Variants in FGD3 observed in about 807,000 individuals in gnomAD.
FGD3 encodes FYVE, RhoGEF and PH domain containing 3.
Under a neutral mutation model 71.8 loss-of-function variants are expected in FGD3, and 45 were observed. The ratio of observed to expected loss-of-function variants is 0.63; its 90% confidence interval spans 0.49 to 0.80. The LOEUF (loss-of-function observed/expected upper bound fraction) is 0.80. Among genes scored for constraint, FGD3 ranks in the 30% least tolerant of loss-of-function variants. The pLI, the probability that FGD3 is intolerant of heterozygous loss-of-function variation, is 0.00. For missense variants in FGD3, 844 were observed against 951.5 expected, an observed-to-expected ratio of 0.89 and a Z score of 1.49; for synonymous variants, 378 against 392.8, an observed-to-expected ratio of 0.96 and a Z score of 0.44.
intron 3 of FGD3, among the ~76,000 whole-genome samples, chr9:92,994,607 G>A (rs1860555241): frequency 6.6e-6 from 1 of 152,198 alleles, no homozygotes; most frequent in Non-Finnish European, 1.5e-5. Context: ...ATGGTTTTAG[G>A]TCTAACGTTT....
In FGD3 at chr9:92,968,254, A is replaced by C. The variant is rs1859403705; in HGVS notation, c.-217-6984A>C. ...GGTCATGAAGACTCATACAGTCTTA[A>C]ACAGTAGAAGTAACTTGTTAAGGTG... On this transcript the variant is annotated intron_variant, in intron 1 of 17. Transcript: ENST00000375482. 2.0e-5 allele frequency among the ~76,000 whole-genome samples: 3 copies of C among 152,188 alleles called. No homozygotes were observed. The South Asian group carries it at 6.2e-4, about 32-fold the overall frequency.
chr9:92,972,049 T>C (rs1189394287), intron 1 of FGD3, among the ~76,000 whole-genome samples: 1 of 105,262 alleles, frequency 9.5e-6, no homozygotes, highest in African/African-American at 3.5e-5. Context: ...TTGCACTTCC[T>C]AGAATTCTGT....
chr9:93,007,274 G>A (rs1183624663), intron 6 of FGD3, among the ~76,000 whole-genome samples: 2 of 151,148 alleles, frequency 1.3e-5, no homozygotes, highest in African/African-American at 4.9e-5. Context: ...ATATTTTTTA[G>A]TAGAGACGGG....
At chr9:93,004,930 C>T (rs969419015) in intron 5 of FGD3, among the ~76,000 whole-genome samples, 6 of 152,120 alleles carry the variant, frequency 3.9e-5, no homozygotes, top group Admixed American at 1.3e-4. Context: ...GTCCAGCTGC[C>T]GAACAGGTTT....
chr9:92,974,620 G>A (rs1444892740), intron 1 of FGD3: 1 of 152,310 alleles, frequency 6.6e-6, no homozygotes, highest in South Asian at 2.1e-4. Context: ...AGGCAACCAG[G>A]GCAGGCTCAA....
At chr9:92,981,228 C>CGT (rs1564149094) in intron 3 of FGD3, among the ~76,000 whole-genome samples, 1 of 151,366 alleles carries the variant, frequency 6.6e-6, no homozygotes, top group African/African-American at 2.4e-5. Flanking sequence ...ATTAGCCAGG[C>CGT]GTGGTGGTGG....
At chr9:93,012,312 A>G (rs1333415676) in intron 8 of FGD3, among the ~76,000 whole-genome samples, 1 of 152,200 alleles carries the variant, frequency 6.6e-6, no homozygotes, top group African/African-American at 2.4e-5. Context: ...CACCTCTCAG[A>G]GAACAGCTGT....
Position 93,032,816 on chromosome 9 carries a change from G to T in FGD3, c.1728G>T (p.Gln576His), listed in dbSNP as rs1043899854. Residue 576 changes from glutamine to histidine, a missense_variant, in exon 16 of 18, where the codon CAG becomes CAT. Coordinates refer to ENST00000375482, the MANE Select transcript of FGD3 (RefSeq NM_001083536.2). The stretch of plus-strand genomic sequence containing the variant: ...AGTTCAAGGCCGAGAACAGCCGGCA[G>T]AGCCGTGTCTGCAGAGATTGTTTCC... ...CSEFKAENSRQSRVCRDCFLT... is the reference protein window; with the variant it reads ...CSEFKAENSRHSRVCRDCFLT... 5.6e-6 allele frequency: 9 copies of T among 1,614,254 alleles called. No individual in the cohort carries two copies. The highest frequency in any genetic ancestry group is 7.6e-6 in the Non-Finnish European group (9 of 1,180,042).
At chr9:92,967,515 C>T (rs1361292340) in intron 1 of FGD3, among the ~76,000 whole-genome samples, 2 of 152,212 alleles carry the variant, frequency 1.3e-5, no homozygotes, top group Non-Finnish European at 2.9e-5. Flanking sequence ...TAGCTTATTT[C>T]ACTTAGCATA....
intron 1 of FGD3, among the ~76,000 whole-genome samples, chr9:92,948,669 A>C (rs1858899673): frequency 6.6e-6 from 1 of 152,240 alleles, no homozygotes; most frequent in Non-Finnish European, 1.5e-5. Flanking sequence ...GATGACAGCA[A>C]ACTCCAGCCC....
chr9:92,976,270 G>A lies in FGD3; in HGVS notation c.14G>A (p.Arg5Lys). 1.3e-6 allele frequency: 2 copies of A among 1,585,124 alleles called. No individual in the cohort carries two copies. Among genetic ancestry groups the A allele is most frequent in the South Asian group, 2.2e-5 (2 of 89,704 alleles). MESG[R>K]GSSTPPGPIA... ...TCAGCTTTAAGGATGGAGTCAGGCA[G>A]GGGGTCCTCAACCCCTCCAGGACCC... The change falls in exon 3 of 18, where the codon AGG becomes AAG. Residue 5 changes from arginine to lysine, a missense_variant. By Grantham distance (26) the Arg-to-Lys change is conservative. Coordinates refer to ENST00000375482, the MANE Select transcript of FGD3 (RefSeq NM_001083536.2).
chr9:92,973,772 C>G (rs1434773288), intron 1 of FGD3, among the ~76,000 whole-genome samples: 1 of 152,224 alleles, frequency 6.6e-6, no homozygotes, highest in Non-Finnish European at 1.5e-5. Flanking sequence ...GTGCTCTCCC[C>G]ACCGCACACA....
chr9:92,966,752 C>T (rs1451980458), intron 1 of FGD3, among the ~76,000 whole-genome samples: 1 of 152,230 alleles, frequency 6.6e-6, no homozygotes, highest in Non-Finnish European at 1.5e-5. Flanking sequence ...CACTAAGGAT[C>T]CCGCCTCCCC....
chr9:93,034,924 C>A (rs10992598), intron 17 of FGD3, among the ~76,000 whole-genome samples: 2 of 152,070 alleles, frequency 1.3e-5, no homozygotes, highest in South Asian at 4.1e-4. Flanking sequence ...CAAGGGGGCA[C>A]AAAGGGTGGC....
chr9:92,984,119 A>G (rs552747510), intron 3 of FGD3, among the ~76,000 whole-genome samples: 4 of 152,360 alleles, frequency 2.6e-5, no homozygotes, highest in Non-Finnish European at 5.9e-5. Flanking sequence ...CTAGCTCTGT[A>G]TGTCCCCAGG....
chr9:93,004,111 G>A lies in FGD3; in HGVS notation c.654G>A (p.Glu218=), dbSNP rs753545285. ...TCCACGGGCAGTTCCTGCTGCCGGA[G>A]CTGAAGACGCGGATCACGGAGGAGT... ...HRFHGQFLLP[E]LKTRITEEWD... The change falls in exon 5 of 18, where the codon GAG becomes GAA. Residue 218 remains glutamate, a synonymous_variant. Transcript: ENST00000375482. The A allele has an allele frequency of 5.0e-6, 8 of 1,614,058 alleles. No individual in the cohort carries two copies. Among genetic ancestry groups the A allele is most frequent in the Admixed American group, 1.7e-5 (1 of 60,026 alleles).
At chr9:92,948,317 AGCGGGT>A in intron 1 of FGD3, among the ~76,000 whole-genome samples, 1 of 152,372 alleles carries the variant, frequency 6.6e-6, no homozygotes, top group South Asian at 2.1e-4. Context: ...CCAGGGCGAA[AGCGGGT>A]GCTTTGGAGC....
chr9:92,979,187 A>G (rs1859894934), intron 3 of FGD3, among the ~76,000 whole-genome samples: 1 of 152,054 alleles, frequency 6.6e-6, no homozygotes, highest in South Asian at 2.1e-4. Flanking sequence ...TCTTATTTCT[A>G]ATCTTAGAGG....
chr9:93,032,720 A>G, intron 15 of FGD3, 49 bp from the exon 16 acceptor site: 4 of 1,572,700 alleles, frequency 2.5e-6, no homozygotes, highest in Non-Finnish European at 3.5e-6. Flanking sequence ...CTTCCTGGAT[A>G]ATCCTCTGTC....
Sources: allele counts gnomAD v4.1 joint callset (sites outside exome capture counted in the v4.1 genomes callset), GRCh38; gene constraint gnomAD v4.1.1; transcripts MANE v1.5; gene names NCBI Gene and HGNC (gene_info 2026-07-23, HGNC 2026-07-21).